SCAI: variants seen among roughly 807,000 people sequenced by gnomAD.
The protein encoded by SCAI is protein SCAI.
A neutral mutation model predicts 92.2 loss-of-function variants in SCAI; 24 were observed. The ratio of observed to expected loss-of-function variants is 0.26; its 90% CI spans 0.19 to 0.37. The LOEUF is 0.37. Among genes scored for constraint, SCAI ranks in the 10% least tolerant of loss-of-function variants. The pLI is 1.00. For synonymous variants in SCAI, 261 were observed against 258.6 expected (o/e 1.01, Z -0.09); for missense variants, 450 against 736.2 (o/e 0.61, Z 4.50).
intron 17 of SCAI, among the ~76,000 whole-genome samples, chr9:124,955,668 A>G (rs973253224): frequency 5.9e-5 from 9 of 152,052 alleles, no homozygotes; most frequent in African/African-American, 2.2e-4. Context: ...GTGAAAAAAA[A>G]AGAAACAAAC....
chr9:124,954,246 C>T (rs1831279675), intron 17 of SCAI, among the ~76,000 whole-genome samples: 1 of 152,122 alleles, frequency 6.6e-6, no homozygotes, highest in African/African-American at 2.4e-5. Flanking sequence ...AGTTTAATAT[C>T]AAATGGAACA....
At chr9:124,956,655 G>A (rs1039043756) in intron 17 of SCAI, among the ~76,000 whole-genome samples, 1 of 152,128 alleles carries the variant, frequency 6.6e-6, no homozygotes, top group Non-Finnish European at 1.5e-5. Context: ...AGAATGGAAG[G>A]GAGCTCAGTC....
At chr9:125,095,826 A>G (rs543010782) in intron 2 of SCAI, among the ~76,000 whole-genome samples, 1 of 152,350 alleles carries the variant, frequency 6.6e-6, no homozygotes, top group Non-Finnish European at 1.5e-5. Context: ...AAAACAAAAC[A>G]AAACAAAAGA....
intron 3 of SCAI, among the ~76,000 whole-genome samples, chr9:125,033,731 T>TCCCC (rs35202930): frequency 0.19 from 28,494 of 152,076 alleles, 2,723 homozygotes; most frequent in East Asian, 0.24. Flanking sequence ...ACTTGTAAGA[T>TCCCC]ATCTGAATAT....
rs916944710 is a variant in SCAI at position 125,052,508 on chromosome 9, G to A, written c.230+3368C>T. 2.0e-5 allele frequency among the ~76,000 whole-genome samples: 3 copies of A among 152,044 alleles called. No homozygotes were observed. In the East Asian group the frequency reaches 5.8e-4, roughly 29 times the overall value. Reference sequence around the variant, plus strand: ...TGCCGAGGCAGGAGAATCGCTTGGAGGCAGGAGAATCGCTTGGAGGCAGGA... The same window carrying A: ...TGCCGAGGCAGGAGAATCGCTTGGAAGCAGGAGAATCGCTTGGAGGCAGGA... On this transcript the variant is annotated intron_variant, in intron 3 of 17. Coordinates refer to ENST00000336505, the MANE Select transcript of SCAI (RefSeq NM_001144877.3).
chr9:125,124,510 G>A (rs1835222004), intron 2 of SCAI, among the ~76,000 whole-genome samples: 2 of 152,158 alleles, frequency 1.3e-5, no homozygotes, highest in Admixed American at 6.5e-5. Flanking sequence ...CAAGTCCAAA[G>A]GCAGGAAAAC....
chr9:125,114,751 C>T (rs922287572), intron 2 of SCAI, among the ~76,000 whole-genome samples: 1 of 137,412 alleles, frequency 7.3e-6, no homozygotes. Flanking sequence ...GCTACAGGTG[C>T]GTGTCACCAC....
At chr9:124,987,324 CTTTTT>C (rs71374213) in intron 14 of SCAI, among the ~76,000 whole-genome samples, 1 of 151,564 alleles carries the variant, frequency 6.6e-6, no homozygotes, top group Non-Finnish European at 1.5e-5. Context: ...ACCTGGATGG[CTTTTT>C]TTTATTATTA....
In SCAI at chr9:124,952,921, T is replaced by C. The variant is rs377102866; in HGVS notation, c.1707A>G (p.Gln569=). The change falls in exon 18 of 18, where the codon CAA becomes CAG. Residue 569 remains glutamine, a synonymous_variant. Transcript: ENST00000336505. ...TCTCCACTGTTTCATCCCTTGGCAG[T>C]TGTGGATATGATTCTGGATAATTTC... ...ETRNYPESYP[Q]LPRDETVENP... 2.5e-6 allele frequency: 4 copies of C among 1,613,762 alleles called. No homozygotes were observed. The highest frequency in any genetic ancestry group is 1.3e-5 in the African/African-American group (1 of 75,044).
intron 3 of SCAI, among the ~76,000 whole-genome samples, chr9:125,054,417 CAT>C (rs1833623331): frequency 1.3e-5 from 2 of 151,834 alleles, no homozygotes; most frequent in African/African-American, 4.8e-5. Flanking sequence ...ATAATTTCCT[CAT>C]AGAGTAATTG....
chr9:124,966,524 A>T (rs1262480468), intron 17 of SCAI, among the ~76,000 whole-genome samples: 1 of 152,180 alleles, frequency 6.6e-6, no homozygotes, highest in Admixed American at 6.5e-5. Flanking sequence ...ATAAATTTTA[A>T]TCATTCATAA....
intron 9 of SCAI, among the ~76,000 whole-genome samples, chr9:125,009,799 A>G (rs1028126611): frequency 1.3e-5 from 2 of 152,072 alleles, no homozygotes; most frequent in African/African-American, 4.8e-5. Flanking sequence ...AGGCTGAGGC[A>G]GGAAAATCAC....
At chr9:124,981,589 T>C (rs1034098046) in intron 14 of SCAI, among the ~76,000 whole-genome samples, 7 of 152,204 alleles carry the variant, frequency 4.6e-5, no homozygotes, top group Non-Finnish European at 8.8e-5. Context: ...TAGATTTTAC[T>C]AAATGACTGT....
In SCAI at chr9:125,091,724, ATCTCACACTTTC is replaced by A. The variant is rs962704277; in HGVS notation, c.99-35729_99-35718del. 7.9e-5 allele frequency among the ~76,000 whole-genome samples: 12 copies of A among 152,294 alleles called. No individual in the cohort carries two copies. Among genetic ancestry groups the A allele is most frequent in the African/African-American group, 2.9e-4 (12 of 41,568 alleles). On this transcript the variant is annotated intron_variant, in intron 2 of 17. Coordinates refer to ENST00000336505, the MANE Select transcript of SCAI (RefSeq NM_001144877.3). This position sits in a 1 kb window ranked among gnomAD's most constrained non-coding sequence, Gnocchi z 4.3. ...CTCACTCTTCACTTTCCAGAGCCCT[ATCTCACACTTTC>A]TCTTCTCTCCTCAAACATCCAACAT...
At position 125,098,912 on chromosome 9, in the gene SCAI, C is replaced by T. The variant is rs144299556; in HGVS notation, c.99-42905G>A. On this transcript the variant is annotated intron_variant, in intron 2 of 17. Coordinates refer to ENST00000336505, the MANE Select transcript of SCAI (RefSeq NM_001144877.3). ...CTTATCCCTTAATCAACAAGAACAT[C>T]TACGACATCAAAATTCTCCCTCCTG... is the stretch of plus-strand genomic sequence containing the variant. Among the ~76,000 whole-genome samples the T allele has an allele frequency of 2.2e-3, 335 of 152,056 alleles. 3 individuals are homozygous for T. The highest frequency in any genetic ancestry group is 7.7e-3 in the African/African-American group (320 of 41,460).
At chr9:125,010,735 T>C (rs1278838400) in intron 9 of SCAI, among the ~76,000 whole-genome samples, 1 of 152,182 alleles carries the variant, frequency 6.6e-6, no homozygotes, top group African/African-American at 2.4e-5. Context: ...CCTCCTCAAG[T>C]GGGTCCCTGA....
chr9:125,010,405 A>C (rs1043964180), intron 9 of SCAI, among the ~76,000 whole-genome samples: 4 of 152,186 alleles, frequency 2.6e-5, no homozygotes, highest in Admixed American at 2.6e-4. Context: ...GGAGGGTCCT[A>C]CACCCACGGA....
chr9:125,019,274 T>C (rs774891497), intron 7 of SCAI, 69 bp from the exon 8 acceptor site: 19 of 832,696 alleles, frequency 2.3e-5, no homozygotes, highest in Non-Finnish European at 3.4e-5. Flanking sequence ...TATAGAACCA[T>C]ATTCCTGACA....
chr9:125,017,893 G>A (rs1360861814), intron 9 of SCAI, among the ~76,000 whole-genome samples: 1 of 151,514 alleles, frequency 6.6e-6, no homozygotes, highest in Non-Finnish European at 1.5e-5. Flanking sequence ...TGTAATCCCA[G>A]CTACTTGGGA....
Sources: allele counts gnomAD v4.1 joint callset (sites outside exome capture counted in the v4.1 genomes callset), GRCh38; gene constraint gnomAD v4.1.1; non-coding constraint Gnocchi (gnomAD v3.1); transcripts MANE v1.5; gene names NCBI Gene and HGNC (gene_info 2026-07-23, HGNC 2026-07-21).